The following GNS variants were observed in gnomAD, a reference collection of about 807,000 sequenced individuals.
The protein encoded by GNS is glucosamine (N-acetyl)-6-sulfatase.
In GNS, 40 loss-of-function variants were observed where a neutral mutation model predicts 69.7. That is an observed-to-expected ratio of 0.57 (90% CI 0.45 to 0.75). The LOEUF is 0.75. Among genes scored for constraint, GNS ranks in the 30% least tolerant of loss-of-function variants. The pLI is 0.00. For missense variants in GNS, 565 were observed against 685.5 expected (o/e 0.82, Z 1.96); for synonymous variants, 243 against 251.6 (o/e 0.97, Z 0.32).
At chr12:64,721,750 G>GT (rs759247753) in intron 11 of GNS, 45 bp from the exon 12 acceptor site, 2 of 978,894 alleles carry the variant, frequency 2.0e-6, no homozygotes, top group East Asian at 4.8e-5. Flanking sequence ...TTCTTCCATA[G>GT]TAACAAATAC....
In GNS at chr12:64,723,057, T is replaced by G. The variant is rs1207714221; in HGVS notation, c.1257A>C (p.Glu419Asp). 6.2e-7 allele frequency: 1 copy of G among 1,613,244 alleles called. No individual in the cohort carries two copies. Among genetic ancestry groups the G allele is most frequent in the African/African-American group, 1.3e-5 (1 of 74,926 alleles). Residue 419 changes from glutamate (E) to aspartate (D), a missense_variant, in exon 11 of 14, where the codon GAA (glutamate) becomes GAC (aspartate). This residue lies in a region of GNS where 384 missense variants were observed against 511.0 expected (regional missense o/e 0.75). Coordinates refer to ENST00000258145, the MANE Select transcript of GNS (RefSeq NM_002076.4). ...ATGTTGGGTCAGTGACGTTACGGCC[T>G]TCTCCTTGGTATTCCACCAGGACAT... ...RSDVLVEYQG[E>D]GRNVTDPTCP...
At position 64,724,501 on chromosome 12, in the gene GNS, A is replaced by G. The variant is rs545899224; in HGVS notation, c.1201-1388T>C. ...TTATTTCCTAACTTGTTGTTCTACAATGAAACTTGAACAATCCTGTGCGGC... is the reference window on the plus strand; with the variant it reads ...TTATTTCCTAACTTGTTGTTCTACAGTGAAACTTGAACAATCCTGTGCGGC... On this transcript the variant is annotated intron_variant, in intron 10 of 13. Transcript: ENST00000258145. Among the ~76,000 whole-genome samples, 541 of 152,308 alleles carry G rather than the reference A, an allele frequency of 3.6e-3. 5 individuals carry two copies. Among genetic ancestry groups the G allele is most frequent in the African/African-American group, 0.012 (513 of 41,572 alleles).
Position 64,759,357 on chromosome 12 carries a change from G to T in GNS, c.-81C>A. ...TAGCTGAAGGGCGAGAGGCCGACCA[G>T]CCGAAGGAATAAAAAGCCGTGCCTT... On this transcript the variant is annotated 5_prime_UTR_variant, in exon 1 of 14. The change creates a new upstream start codon in the 5' untranslated region. Coordinates refer to ENST00000258145, the MANE Select transcript of GNS (RefSeq NM_002076.4). The T allele has an allele frequency of 1.0e-6, 1 of 959,788 alleles. No individual in the cohort carries two copies. The highest frequency in any genetic ancestry group is 1.5e-6 in the Non-Finnish European group (1 of 665,192). 59.5% of individuals were successfully genotyped at this position (959,788 alleles called of 1,614,324 possible).
intron 7 of GNS, 58 bp downstream of exon 7, chr12:64,740,548 G>A (rs1265203033): frequency 5.6e-6 from 5 of 898,106 alleles, no homozygotes; most frequent in Non-Finnish European, 9.5e-6. Flanking sequence ...TCCTCTTCAT[G>A]AGCTGATTTG....
rs770771257 is a variant in GNS at position 64,747,849 on chromosome 12, G to A, written c.322C>T (p.His108Tyr). 1.7e-5 allele frequency: 28 copies of A among 1,609,660 alleles called. No individual in the cohort carries two copies. The highest frequency in any genetic ancestry group is 2.2e-5 in the Non-Finnish European group (26 of 1,176,094). Reference protein sequence around the residue: ...ILTGKYPHNHHVVNNTLEGNC... With the variant: ...ILTGKYPHNHYVVNNTLEGNC... ...CCCTCCAGAGTGTTGTTCACAACGT[G>A]ATGATTATGTGGGTACTTTCCTGTC... Residue 108 changes from histidine (H) to tyrosine (Y), a missense_variant, in exon 3 of 14, where the codon CAC (histidine) becomes TAC (tyrosine). Coordinates refer to ENST00000258145, the MANE Select transcript of GNS (RefSeq NM_002076.4).
intron 12 of GNS, 103 bp from the exon 13 acceptor site, chr12:64,720,285 TAA>T (rs59819055): frequency 2.2e-3 from 1,469 of 660,756 alleles, no homozygotes; most frequent in Admixed American, 2.3e-3. Flanking sequence ...GGAGGTAGAT[TAA>T]AAAAAAAAAA....
At chr12:64,758,479 C>A (rs142855684) in intron 1 of GNS, among the ~76,000 whole-genome samples, 27 of 152,106 alleles carry the variant, frequency 1.8e-4, no homozygotes, top group African/African-American at 6.5e-4. Flanking sequence ...CGCGCCACCA[C>A]GCCCAGCTAG....
At chr12:64,757,337 C>T (rs1202428407) in intron 1 of GNS, among the ~76,000 whole-genome samples, 4 of 152,194 alleles carry the variant, frequency 2.6e-5, no homozygotes, top group African/African-American at 7.2e-5. Flanking sequence ...CTAAAAAAGC[C>T]TGACCTTTTA....
At chr12:64,718,347 C>A (rs1868928061) in intron 13 of GNS, among the ~76,000 whole-genome samples, 1 of 152,228 alleles carries the variant, frequency 6.6e-6, no homozygotes, top group Non-Finnish European at 1.5e-5. Context: ...CAGCATCTAG[C>A]ACTTTAGTTA....
chr12:64,756,164 T>G (rs1335705022), intron 1 of GNS, among the ~76,000 whole-genome samples: 2 of 152,156 alleles, frequency 1.3e-5, no homozygotes, highest in Non-Finnish European at 2.9e-5. Flanking sequence ...AAAAGAGCAT[T>G]TCAAAGATGC....
chr12:64,756,720 G>C, intron 1 of GNS: 1 of 1,486,720 alleles, frequency 6.7e-7, no homozygotes, highest in Non-Finnish European at 9.1e-7. Flanking sequence ...TCTTCCCCTT[G>C]GAGTCCTGTT....
chr12:64,751,113 TGA>T (rs1236583722), intron 2 of GNS, among the ~76,000 whole-genome samples: 4 of 152,064 alleles, frequency 2.6e-5, no homozygotes, highest in African/African-American at 9.7e-5. Context: ...TTTGGGAGAC[TGA>T]GATGGAAGGA....
chr12:64,718,067 ATG>A (rs370743381), intron 13 of GNS, among the ~76,000 whole-genome samples: 172 of 152,296 alleles, frequency 1.1e-3, no homozygotes, highest in African/African-American at 4.0e-3. Context: ...AGGTAAACGA[ATG>A]TGTGAGGCTG....
chr12:64,758,487 T>C (rs1044765295), intron 1 of GNS, among the ~76,000 whole-genome samples: 1 of 152,006 alleles, frequency 6.6e-6, no homozygotes, highest in African/African-American at 2.4e-5. Context: ...CACGCCCAGC[T>C]AGAATTATTG....
chr12:64,719,968 A>C lies in GNS; in HGVS notation c.1580+54T>G. On this transcript the variant is annotated intron_variant, in intron 13 of 13. Coordinates refer to ENST00000258145, the MANE Select transcript of GNS (RefSeq NM_002076.4). ...AAGGGCTCCCTTTGCCTTCAAGAAC[A>C]GCATGTCTACTAGAAAAAACTTGGC... 3.3e-6 allele frequency: 4 copies of C among 1,219,788 alleles called. No individual in the cohort carries two copies. The East Asian group carries it at 9.3e-5, about 28-fold the overall frequency. The allele number at this position is 1,219,788 out of a possible 1,614,324, so 75.6% of individuals were successfully genotyped here.
chr12:64,722,209 G>A (rs1869052723), intron 11 of GNS, among the ~76,000 whole-genome samples: 1 of 152,046 alleles, frequency 6.6e-6, no homozygotes, highest in African/African-American at 2.4e-5. Context: ...GTAGAGATGG[G>A]GTTTCGGCAT....
At chr12:64,744,553 G>A (rs1053135748) in intron 5 of GNS, among the ~76,000 whole-genome samples, 8 of 151,978 alleles carry the variant, frequency 5.3e-5, no homozygotes, top group African/African-American at 1.7e-4. Context: ...CTCTGTAGTC[G>A]AAGAGATTAA....
chr12:64,717,571 CA>C (rs1452111732), intron 13 of GNS, among the ~76,000 whole-genome samples: 1 of 149,094 alleles, frequency 6.7e-6, no homozygotes, highest in African/African-American at 2.5e-5. Context: ...CCATGTTGCC[CA>C]GGCTGGTCTA....
In GNS at chr12:64,742,850, A is replaced by G. The variant is rs145728239; in HGVS notation, c.792+291T>C. Among the ~76,000 whole-genome samples, 534 of 152,236 alleles carry G rather than the reference A, an allele frequency of 3.5e-3. 2 individuals are homozygous for G. The highest frequency in any genetic ancestry group is 0.012 in the African/African-American group (516 of 41,526). On this transcript the variant is annotated intron_variant, in intron 6 of 13. Coordinates refer to ENST00000258145, the MANE Select transcript of GNS (RefSeq NM_002076.4). ...TCCCGGCTATGCCAGGAGGGAGGAG[A>G]GTCAGCACAGAGGTTACCAGGAGAG...
Sources: allele counts gnomAD v4.1 joint callset (sites outside exome capture counted in the v4.1 genomes callset), GRCh38; gene constraint gnomAD v4.1.1; regional missense constraint gnomAD v4.1.1; transcripts MANE v1.5; gene names NCBI Gene and HGNC (gene_info 2026-07-23, HGNC 2026-07-21).